PRDM5: variants seen among roughly 807,000 people sequenced by gnomAD.
PRDM5 encodes PR domain zinc finger protein 5.
Under a neutral mutation model 81.2 loss-of-function variants are expected in PRDM5, and 56 were observed. That is an observed-to-expected ratio of 0.69 (90% CI 0.56 to 0.86). The LOEUF (loss-of-function observed/expected upper bound fraction) is 0.86. PRDM5 is among the 40% of genes least tolerant of loss of function. The pLI is 0.00. For missense variants in PRDM5, 697 were observed against 770.1 expected (o/e 0.91, Z 1.12); for synonymous variants, 267 against 256.4 (o/e 1.04, Z -0.39).
intron 13 of PRDM5, among the ~76,000 whole-genome samples, chr4:120,765,114 C>T (rs1746193546): frequency 6.6e-6 from 1 of 151,942 alleles, no homozygotes; most frequent in Non-Finnish European, 1.5e-5. Flanking sequence ...TTTAAAAAAG[C>T]ATTCAAGGAA....
At chr4:120,698,365 T>C (rs1375313464) in intron 15 of PRDM5, among the ~76,000 whole-genome samples, 1 of 152,182 alleles carries the variant, frequency 6.6e-6, no homozygotes, top group East Asian at 1.9e-4. Flanking sequence ...CTCTCCTTGT[T>C]TTCCTTCTAA....
chr4:120,890,508 G>A (rs911248444), intron 2 of PRDM5, among the ~76,000 whole-genome samples: 3 of 152,178 alleles, frequency 2.0e-5, no homozygotes, highest in Admixed American at 6.5e-5. Flanking sequence ...TGAGTCAAAT[G>A]ATACATCTGT....
chr4:120,919,762 C>G (rs1200756287), intron 1 of PRDM5, among the ~76,000 whole-genome samples: 1 of 152,166 alleles, frequency 6.6e-6, no homozygotes, highest in Non-Finnish European at 1.5e-5. Context: ...CGAGAAAACA[C>G]AGCAAGCATT....
At chr4:120,686,994 C>T (rs1352552339), downstream of PRDM5, among the ~76,000 whole-genome samples, 1 of 151,940 alleles carries the variant, frequency 6.6e-6, no homozygotes, top group Non-Finnish European at 1.5e-5. Flanking sequence ...AGAGACAAAA[C>T]TCAGGAGATG....
At chr4:120,791,618 C>T (rs766181530) in intron 10 of PRDM5, among the ~76,000 whole-genome samples, 15 of 152,180 alleles carry the variant, frequency 9.9e-5, no homozygotes, top group Non-Finnish European at 1.8e-4. Context: ...TGAGTGACAT[C>T]TCATTCTCTC....
chr4:120,718,342 C>G (rs1023379817), intron 14 of PRDM5, among the ~76,000 whole-genome samples: 1 of 152,258 alleles, frequency 6.6e-6, no homozygotes, highest in South Asian at 2.1e-4. Context: ...TTAAAGGGTA[C>G]GCATACCTTT....
intron 1 of PRDM5, among the ~76,000 whole-genome samples, chr4:120,919,439 G>C (rs573767699): frequency 6.6e-6 from 1 of 152,300 alleles, no homozygotes; most frequent in South Asian, 2.1e-4. Context: ...AGAAAGCTGA[G>C]AGCAGTGTAT....
intron 2 of PRDM5, among the ~76,000 whole-genome samples, chr4:120,892,650 C>T (rs1047021571): frequency 5.9e-5 from 9 of 152,256 alleles, no homozygotes; most frequent in African/African-American, 1.9e-4. Context: ...ACCACTGGGC[C>T]GGAAGTTCTA....
At chr4:120,700,114 C>A (rs1026516161) in intron 15 of PRDM5, among the ~76,000 whole-genome samples, 2 of 152,104 alleles carry the variant, frequency 1.3e-5, no homozygotes, top group African/African-American at 4.8e-5. Flanking sequence ...ACCAATGCAA[C>A]AGAGTACAGA....
At chr4:120,734,788 C>T (rs1740866050) in intron 14 of PRDM5, among the ~76,000 whole-genome samples, 1 of 152,212 alleles carries the variant, frequency 6.6e-6, no homozygotes, top group Non-Finnish European at 1.5e-5. Context: ...AAACGCTCCT[C>T]TGTTTCTTCC....
intron 15 of PRDM5, among the ~76,000 whole-genome samples, chr4:120,702,718 T>C (rs1948542): frequency 0.14 from 22,002 of 152,222 alleles, 1,997 homozygotes; most frequent in Non-Finnish European, 0.21. Context: ...GAGAGTATTT[T>C]CAAGTGAAAG....
chr4:120,691,300 G>A (rs1734039138), downstream of PRDM5, among the ~76,000 whole-genome samples: 1 of 152,080 alleles, frequency 6.6e-6, no homozygotes, highest in African/African-American at 2.4e-5. Context: ...TTAACAATGT[G>A]TAGAGTGATA....
chr4:120,891,822 G>C (rs1279513131), intron 2 of PRDM5, among the ~76,000 whole-genome samples: 1 of 152,022 alleles, frequency 6.6e-6, no homozygotes, highest in East Asian at 1.9e-4. Context: ...TAGACACAGG[G>C]TTTCGTTATG....
In PRDM5 at chr4:120,857,435, T is replaced by C. The variant is rs564701317; in HGVS notation, c.178-3895A>G. ...TGAAAACTTTTATGCTTCAATATAA[T>C]TGTTCATGTCTGTATGACTTTGCTG... On this transcript the variant is annotated intron_variant, in intron 2 of 15. Transcript: ENST00000264808. 3.6e-4 allele frequency among the ~76,000 whole-genome samples: 55 copies of C among 152,314 alleles called. 1 individual carries two copies. Among genetic ancestry groups the C allele is most frequent in the African/African-American group, 1.3e-3 (54 of 41,572 alleles).
In PRDM5 at chr4:120,695,013, G is replaced by A. The variant is rs1169554235; in HGVS notation, c.*98C>T. 1 of 1,377,490 alleles carries A rather than the reference G, an allele frequency of 7.3e-7. No homozygotes were observed. The highest frequency in any genetic ancestry group is 1.0e-6 in the Non-Finnish European group (1 of 970,742). 85.3% of individuals were successfully genotyped at this position (1,377,490 alleles called of 1,614,324 possible). A position where few individuals can be genotyped will look rare whatever the true frequency, so the allele number is the denominator to read the frequency against. ...CAAATAAGAACTATGAGACCAGTAA[G>A]TCACTTTTGGCTACTTCTGTTATGC... is the stretch of plus-strand genomic sequence containing the variant. On this transcript the variant is annotated 3_prime_UTR_variant, in exon 16 of 16. Transcript: ENST00000264808.
At chr4:120,907,419 A>G (rs185054633) in intron 2 of PRDM5, 55 bp downstream of exon 2, 5 of 1,392,110 alleles carry the variant, frequency 3.6e-6, no homozygotes, top group Non-Finnish European at 1.0e-6. Flanking sequence ...TTAAAAATGC[A>G]TTAAATGGTA....
chr4:120,685,516 A>G (rs1733795314), intron 1 of PRDM5, among the ~76,000 whole-genome samples: 1 of 152,130 alleles, frequency 6.6e-6, no homozygotes, highest in East Asian at 1.9e-4. Flanking sequence ...AATGTTATCA[A>G]TTTGGCTCAT....
chr4:120,806,068 A>C (rs1752874461), intron 8 of PRDM5, among the ~76,000 whole-genome samples: 1 of 152,180 alleles, frequency 6.6e-6, no homozygotes, highest in African/African-American at 2.4e-5. Flanking sequence ...AAAAACAGAG[A>C]GCCAAATCAT....
intron 3 of PRDM5, among the ~76,000 whole-genome samples, chr4:120,850,840 G>A (rs1182276155): frequency 6.6e-6 from 1 of 152,102 alleles, no homozygotes; most frequent in Non-Finnish European, 1.5e-5. Context: ...AGTACTGCGT[G>A]GAATGTACTA....
Sources: gnomAD v4.1 joint callset for allele counts (sites outside exome capture counted in the v4.1 genomes callset) on GRCh38, gnomAD v4.1.1 for gene constraint, MANE v1.5 for transcripts, NCBI Gene and HGNC (gene_info 2026-07-23, HGNC 2026-07-21) for gene names.